The following UVRAG variants were observed in gnomAD, a reference collection of about 807,000 sequenced individuals.
The protein encoded by UVRAG is UV radiation resistance-associated gene protein.
A neutral mutation model predicts 78.0 loss-of-function variants in UVRAG; 19 were observed. The ratio of observed to expected loss-of-function variants is 0.24; its 90% confidence interval spans 0.17 to 0.36. UVRAG has a LOEUF of 0.36. Ranked by LOEUF, UVRAG falls within the 10% of genes least tolerant of loss-of-function variation. The pLI, the probability that UVRAG is intolerant of heterozygous loss-of-function variation, is 1.00. For missense variants in UVRAG, 740 were observed against 853.8 expected (o/e 0.87, Z 1.66); for synonymous variants, 323 against 324.6 (o/e 1.00, Z 0.05).
At chr11:76,092,534 T>C (rs1022683322) in intron 13 of UVRAG, among the ~76,000 whole-genome samples, 5 of 152,150 alleles carry the variant, frequency 3.3e-5, no homozygotes, top group Admixed American at 6.6e-5. Context: ...GCCATTCTAA[T>C]TGGCGTGAGA....
intron 3 of UVRAG, among the ~76,000 whole-genome samples, chr11:75,868,992 G>A (rs1946591282): frequency 6.6e-6 from 1 of 152,186 alleles, no homozygotes; most frequent in Admixed American, 6.5e-5. Flanking sequence ...GATTGAAGTA[G>A]CATGTTGGAC....
At chr11:75,950,617 A>G (rs1948673383) in intron 6 of UVRAG, among the ~76,000 whole-genome samples, 1 of 152,126 alleles carries the variant, frequency 6.6e-6, no homozygotes, top group South Asian at 2.1e-4. Context: ...CTTATTAGGT[A>G]TTGCCACACA....
At chr11:75,832,271 C>T (rs947146640) in intron 1 of UVRAG, among the ~76,000 whole-genome samples, 5 of 152,254 alleles carry the variant, frequency 3.3e-5, no homozygotes, top group African/African-American at 1.2e-4. Context: ...AAGTTAAGGG[C>T]CCAGTCCCAC....
At chr11:76,019,016 CT>C (rs1950195595) in intron 12 of UVRAG, among the ~76,000 whole-genome samples, 1 of 152,024 alleles carries the variant, frequency 6.6e-6, no homozygotes, top group South Asian at 2.1e-4. Flanking sequence ...ATGCTTCATT[CT>C]TTTTTATTCT....
chr11:75,826,650 G>A (rs974549934), intron 1 of UVRAG, among the ~76,000 whole-genome samples: 2 of 150,600 alleles, frequency 1.3e-5, no homozygotes, highest in African/African-American at 2.4e-5. Flanking sequence ...GAGCTTAAAT[G>A]ATCAGTCTTC....
At position 75,815,389 on chromosome 11, in the gene UVRAG, TGGCG is replaced by T; in HGVS notation, c.-17_-14del. Reference sequence around the variant, plus strand: ...CCGGAAGAGTGCCCGCCCCGCCGCTTGGCGGCCCCTGGATCGAGATGAGCGCCTC... The same window carrying T: ...CCGGAAGAGTGCCCGCCCCGCCGCTTGCCCCTGGATCGAGATGAGCGCCTC... On this transcript the variant is annotated 5_prime_UTR_variant, in exon 1 of 15. Coordinates refer to ENST00000356136, the MANE Select transcript of UVRAG (RefSeq NM_003369.4). 1 of 1,214,738 alleles carries T rather than the reference TGGCG, an allele frequency of 8.2e-7. No homozygotes were observed. Among genetic ancestry groups the T allele is most frequent in the Non-Finnish European group, 1.0e-6 (1 of 966,826 alleles). The allele number at this position is 1,214,738 out of a possible 1,614,324, so 75.2% of individuals were successfully genotyped here.
At chr11:75,893,414 C>T (rs901457701) in intron 5 of UVRAG, among the ~76,000 whole-genome samples, 6 of 150,740 alleles carry the variant, frequency 4.0e-5, no homozygotes, top group Non-Finnish European at 5.9e-5. Context: ...AAAAAAGGGC[C>T]GAGAAAAGAC....
intron 1 of UVRAG, chr11:75,835,109 A>G (rs1266295235): frequency 5.3e-5 from 8 of 152,234 alleles, no homozygotes; most frequent in Non-Finnish European, 1.0e-4. Context: ...TGTTCACTAT[A>G]TCCTCTTATA....
chr11:75,938,055 ATG>A (rs1187264347), intron 6 of UVRAG, among the ~76,000 whole-genome samples: 2 of 151,578 alleles, frequency 1.3e-5, no homozygotes, highest in Non-Finnish European at 2.9e-5. Context: ...CTTTAAAAAT[ATG>A]TGTGTGTATA....
At chr11:76,079,511 T>C (rs1951461048) in intron 13 of UVRAG, among the ~76,000 whole-genome samples, 1 of 152,048 alleles carries the variant, frequency 6.6e-6, no homozygotes, top group East Asian at 1.9e-4. Context: ...AAGATTAAGA[T>C]GAAATGTACA....
chr11:76,005,066 G>T (rs556303255), intron 9 of UVRAG, among the ~76,000 whole-genome samples: 16 of 152,114 alleles, frequency 1.1e-4, no homozygotes, highest in African/African-American at 3.9e-4. Flanking sequence ...TAGACTGGCC[G>T]GGCATGGTGG....
rs779557504 is a variant in UVRAG at position 76,140,813 on chromosome 11, C to G, written c.1500C>G (p.Asp500Glu). 4 of 1,614,000 alleles carry G rather than the reference C, an allele frequency of 2.5e-6. No individual in the cohort carries two copies. The African/African-American group carries it at 5.3e-5, about 22-fold the overall frequency. Reference protein sequence around the residue: ...VGFSGGIPSPDKGHRKRASSE... With the variant: ...VGFSGGIPSPEKGHRKRASSE... ...TCTCTGGGGGGATCCCTTCACCAGACAAAGGACATCGAAAACGGGCCAGCT... is the reference window on the plus strand; with the variant it reads ...TCTCTGGGGGGATCCCTTCACCAGAGAAAGGACATCGAAAACGGGCCAGCT... Residue 500 changes from aspartate to glutamate, a missense_variant, in exon 15 of 15, where the codon GAC becomes GAG. Physicochemically the swap from Asp to Glu is conservative, Grantham distance 45. Transcript: ENST00000356136.
chr11:76,114,610 G>A (rs1362307318), intron 13 of UVRAG, among the ~76,000 whole-genome samples: 1 of 152,162 alleles, frequency 6.6e-6, no homozygotes, highest in Non-Finnish European at 1.5e-5. Context: ...CTTTATGTGT[G>A]TATTCATTCA....
At chr11:75,979,303 A>G (rs1949334242) in intron 7 of UVRAG, among the ~76,000 whole-genome samples, 1 of 152,204 alleles carries the variant, frequency 6.6e-6, no homozygotes, top group East Asian at 1.9e-4. Context: ...GGTGCCTCCC[A>G]GTTAGGCTAC....
chr11:76,098,595 C>A (rs910605646), intron 13 of UVRAG, among the ~76,000 whole-genome samples: 1 of 152,162 alleles, frequency 6.6e-6, no homozygotes. Flanking sequence ...AAGACCACAT[C>A]ATTGTTTAAT....
At chr11:75,987,799 T>C (rs1218643365) in intron 8 of UVRAG, among the ~76,000 whole-genome samples, 6 of 151,770 alleles carry the variant, frequency 4.0e-5, no homozygotes, top group African/African-American at 1.5e-4. Context: ...TAAAATGGCG[T>C]GGTCTCGGCT....
chr11:76,063,555 C>T (rs1951132620), intron 12 of UVRAG, among the ~76,000 whole-genome samples: 1 of 152,048 alleles, frequency 6.6e-6, no homozygotes, highest in African/African-American at 2.4e-5. Flanking sequence ...CAAATAAGGC[C>T]ATTTGAAGAC....
At chr11:76,075,434 A>G (rs1951386450) in intron 13 of UVRAG, among the ~76,000 whole-genome samples, 1 of 151,980 alleles carries the variant, frequency 6.6e-6, no homozygotes, top group African/African-American at 2.4e-5. Context: ...AACATGGTGA[A>G]ACCCTGTCTC....
In UVRAG at chr11:76,009,862, A is replaced by G. The variant is rs935601878; in HGVS notation, c.1060+995A>G. On this transcript the variant is annotated intron_variant, in intron 11 of 14. Coordinates refer to ENST00000356136, the MANE Select transcript of UVRAG (RefSeq NM_003369.4). ...GATTTCCTAATTGATTGAATGAACTATTAATTTATGCCCTACCTGTCTTAT... is the reference window on the plus strand; with the variant it reads ...GATTTCCTAATTGATTGAATGAACTGTTAATTTATGCCCTACCTGTCTTAT... Among the ~76,000 whole-genome samples the G allele has an allele frequency of 3.3e-5, 5 of 152,220 alleles. 1 individual carries two copies. The highest frequency in any genetic ancestry group is 4.8e-5 in the African/African-American group (2 of 41,456).
Sources: gnomAD v4.1 joint callset for allele counts (sites outside exome capture counted in the v4.1 genomes callset) on GRCh38, gnomAD v4.1.1 for gene constraint, MANE v1.5 for transcripts, NCBI Gene and HGNC (gene_info 2026-07-23, HGNC 2026-07-21) for gene names.